The following WDR7 variants were observed in gnomAD, a reference collection of about 807,000 sequenced individuals.
WDR7 encodes the protein WD repeat domain 7.
A neutral mutation model predicts 169.4 loss-of-function variants in WDR7; 46 were observed. The observed-to-expected ratio is 0.27, with a 90% confidence interval of 0.21 to 0.35. The LOEUF (loss-of-function observed/expected upper bound fraction) is 0.35, where lower values mean the gene tolerates loss of function less well. Ranked by LOEUF, WDR7 falls within the 10% of genes least tolerant of loss-of-function variation. WDR7 has a pLI of 1.00. For synonymous variants in WDR7, 612 were observed against 666.8 expected (o/e 0.92, Z 1.27); for missense variants, 1,534 against 1,859.3 (o/e 0.83, Z 3.22).
intron 1 of WDR7, among the ~76,000 whole-genome samples, chr18:56,659,072 G>A (rs2024844338): frequency 6.6e-6 from 1 of 152,154 alleles, no homozygotes; most frequent in Non-Finnish European, 1.5e-5. Flanking sequence ...CTTAGTGACT[G>A]TAGTAGTGAT....
At chr18:56,915,895 C>G (rs188429077) in intron 21 of WDR7, among the ~76,000 whole-genome samples, 1 of 152,184 alleles carries the variant, frequency 6.6e-6, no homozygotes, top group Non-Finnish European at 1.5e-5. Context: ...AGCGAGGGAC[C>G]CTTTGTCATG....
At chr18:56,758,261 T>A (rs79342182) in intron 15 of WDR7, among the ~76,000 whole-genome samples, 1 of 152,348 alleles carries the variant, frequency 6.6e-6, no homozygotes, top group African/African-American at 2.4e-5. Flanking sequence ...ACTTACTTTG[T>A]GTCAGTCTCT....
At chr18:56,986,064 T>C (rs2145842972) in intron 26 of WDR7, among the ~76,000 whole-genome samples, 1 of 152,080 alleles carries the variant, frequency 6.6e-6, no homozygotes, top group South Asian at 2.1e-4. Flanking sequence ...AAAATTTTCT[T>C]TAACAAACCT....
intron 2 of WDR7, among the ~76,000 whole-genome samples, chr18:56,678,599 C>T (rs934781430): frequency 8.6e-5 from 13 of 151,990 alleles, no homozygotes; most frequent in South Asian, 2.1e-4. Flanking sequence ...TGGGTTCAAG[C>T]GATTCTCCTG....
At chr18:56,887,641 G>T (rs2046214507) in intron 21 of WDR7, among the ~76,000 whole-genome samples, 1 of 151,288 alleles carries the variant, frequency 6.6e-6, no homozygotes, top group African/African-American at 2.4e-5. Flanking sequence ...ACATGGATTT[G>T]CTTTTAACTT....
chr18:56,674,175 T>C (rs2025194899), intron 2 of WDR7, among the ~76,000 whole-genome samples: 1 of 152,208 alleles, frequency 6.6e-6, no homozygotes, highest in Non-Finnish European at 1.5e-5. Flanking sequence ...GTATGGTAGG[T>C]ACCTCTATGT....
chr18:56,862,950 C>G (rs2045829156), intron 20 of WDR7, among the ~76,000 whole-genome samples: 1 of 151,818 alleles, frequency 6.6e-6, no homozygotes, highest in Non-Finnish European at 1.5e-5. Flanking sequence ...CTCCTATATA[C>G]TTTTCAATAA....
intron 2 of WDR7, among the ~76,000 whole-genome samples, chr18:56,674,543 A>C (rs1011394482): frequency 1.3e-5 from 2 of 152,124 alleles, no homozygotes; most frequent in Non-Finnish European, 2.9e-5. Context: ...TTGAATCGTA[A>C]AAATTCTTCA....
chr18:56,802,523 A>ATTTTT (rs34077855), intron 19 of WDR7, among the ~76,000 whole-genome samples: 4 of 132,396 alleles, frequency 3.0e-5, no homozygotes, highest in Admixed American at 7.6e-5. Flanking sequence ...ACACCGGCTA[A>ATTTTT]TTTTTTTTTT....
intron 16 of WDR7, 41 bp from the exon 17 acceptor site, chr18:56,776,741 T>G (rs1238640040): frequency 6.4e-7 from 1 of 1,572,166 alleles, no homozygotes; most frequent in Admixed American, 1.7e-5. Context: ...CTGCTGTACT[T>G]CAATTCTCTC....
chr18:56,763,023 C>A (rs546229920), intron 16 of WDR7, among the ~76,000 whole-genome samples: 1 of 151,622 alleles, frequency 6.6e-6, no homozygotes, highest in South Asian at 2.1e-4. Flanking sequence ...TGCAGTGGCG[C>A]GATCTCAGCT....
intron 19 of WDR7, among the ~76,000 whole-genome samples, chr18:56,789,977 G>A (rs1194907956): frequency 6.6e-6 from 1 of 152,156 alleles, no homozygotes; most frequent in Non-Finnish European, 1.5e-5. Flanking sequence ...AGATTCTAGT[G>A]GCCTTTGCTA....
chr18:56,828,739 CAG>C (rs1034312839), intron 20 of WDR7, among the ~76,000 whole-genome samples: 3 of 152,060 alleles, frequency 2.0e-5, no homozygotes, highest in African/African-American at 7.2e-5. Context: ...TGTTCAAAAA[CAG>C]AGCACGGTGT....
intron 2 of WDR7, among the ~76,000 whole-genome samples, chr18:56,673,106 T>C (rs550299392): frequency 7.8e-4 from 118 of 152,250 alleles, no homozygotes; most frequent in African/African-American, 2.7e-3. Context: ...GATTGCTCAG[T>C]GTGCTCTGCT....
chr18:57,024,588 AT>A (rs2048334630), intron 27 of WDR7, among the ~76,000 whole-genome samples: 6 of 141,010 alleles, frequency 4.3e-5, no homozygotes, highest in African/African-American at 8.4e-5. Flanking sequence ...AGAATTTCAC[AT>A]ATCCCTATTC....
At chr18:56,983,175 A>G (rs185000758) in intron 26 of WDR7, among the ~76,000 whole-genome samples, 4 of 152,288 alleles carry the variant, frequency 2.6e-5, no homozygotes, top group African/African-American at 7.2e-5. Flanking sequence ...CTTGCTTTTC[A>G]TTTCGGACTT....
At chr18:56,959,003 T>G (rs2047296854) in intron 25 of WDR7, among the ~76,000 whole-genome samples, 1 of 152,080 alleles carries the variant, frequency 6.6e-6, no homozygotes, top group South Asian at 2.1e-4. Context: ...TCAATAGTGA[T>G]GGACATAATA....
chr18:57,027,082 C>T lies in WDR7; in HGVS notation c.4348C>T (p.Pro1450Ser), dbSNP rs976138361. 1.2e-6 allele frequency: 2 copies of T among 1,614,060 alleles called. No individual in the cohort carries two copies. The highest frequency in any genetic ancestry group is 1.7e-5 in the Admixed American group (1 of 59,994). Residue 1450 changes from proline (P) to serine (S), a missense_variant, in exon 28 of 28, where the codon CCC (proline) becomes TCC (serine). Pro to Ser is a moderately conservative substitution (Grantham distance 74, BLOSUM62 -1). Coordinates refer to ENST00000254442, the MANE Select transcript of WDR7 (RefSeq NM_015285.3). ...QLRCIKTYQV[P>S]PVQPASPGSH... ...GCGCTGCATTAAAACCTACCAGGTG[C>T]CCCCTGTGCAGCCCGCGTCCCCCGG...
intron 26 of WDR7, among the ~76,000 whole-genome samples, chr18:56,970,122 G>A (rs1467375163): frequency 2.6e-5 from 4 of 151,928 alleles, no homozygotes; most frequent in Non-Finnish European, 5.9e-5. Context: ...TTTAACCATC[G>A]GTTTAAATAA....
Sources: gnomAD v4.1 joint callset for allele counts (sites outside exome capture counted in the v4.1 genomes callset) on GRCh38, gnomAD v4.1.1 for gene constraint, MANE v1.5 for transcripts, NCBI Gene and HGNC (gene_info 2026-07-23, HGNC 2026-07-21) for gene names.